The following SGCZ variants were observed in gnomAD, a reference collection of about 807,000 sequenced individuals.
SGCZ encodes zeta-sarcoglycan.
In SGCZ, 40 loss-of-function variants were observed where a neutral mutation model predicts 41.3. The ratio of observed to expected loss-of-function variants is 0.97; its 90% CI spans 0.75 to 1.26. SGCZ has a LOEUF of 1.26. Ranked by LOEUF, SGCZ falls within the 50% of genes most tolerant of loss-of-function variation. The pLI is 0.00. For synonymous variants in SGCZ, 206 were observed against 137.5 expected (o/e 1.50, Z -3.49); for missense variants, 552 against 369.8 (o/e 1.49, Z -4.04).
At chr8:14,123,645 C>G (rs12681431) in intron 5 of SGCZ, among the ~76,000 whole-genome samples, 29,991 of 152,010 alleles carry the variant, frequency 0.2, 3,752 homozygotes, top group East Asian at 0.65. Context: ...ACTATTGCTT[C>G]TATCTTCTAG....
chr8:14,265,768 CAG>C (rs1033980608), intron 3 of SGCZ, among the ~76,000 whole-genome samples: 4 of 149,314 alleles, frequency 2.7e-5, no homozygotes, highest in African/African-American at 9.9e-5. Flanking sequence ...AAAAACTTAA[CAG>C]AGAGAATGAA....
chr8:14,611,817 A>G (rs955896939), intron 1 of SGCZ, among the ~76,000 whole-genome samples: 3 of 152,174 alleles, frequency 2.0e-5, no homozygotes, highest in Non-Finnish European at 2.9e-5. Flanking sequence ...TGTAAACACA[A>G]TAGATTGCTA....
chr8:14,422,444 G>C (rs10092573), intron 2 of SGCZ, among the ~76,000 whole-genome samples: 1,869 of 152,288 alleles, frequency 0.012, 31 homozygotes, highest in African/African-American at 0.042. Flanking sequence ...GACAATTTTA[G>C]ACTACTTAAT....
chr8:14,655,447 G>A (rs914459370), intron 1 of SGCZ, among the ~76,000 whole-genome samples: 1 of 152,054 alleles, frequency 6.6e-6, no homozygotes, highest in Non-Finnish European at 1.5e-5. Flanking sequence ...ATAACCAATT[G>A]TTTTATGGGA....
At chr8:14,454,062 G>C (rs962001041) in intron 2 of SGCZ, among the ~76,000 whole-genome samples, 6 of 152,118 alleles carry the variant, frequency 3.9e-5, no homozygotes, top group East Asian at 1.9e-4. Flanking sequence ...TGACCTTCCA[G>C]TTGCTATCTA....
intron 1 of SGCZ, among the ~76,000 whole-genome samples, chr8:14,880,250 G>A (rs1161509922): frequency 1.3e-5 from 2 of 152,136 alleles, no homozygotes; most frequent in Non-Finnish European, 2.9e-5. Flanking sequence ...AAACCACAAT[G>A]AGATACCATC....
chr8:14,710,489 A>C (rs1486498045), intron 1 of SGCZ, among the ~76,000 whole-genome samples: 1 of 152,028 alleles, frequency 6.6e-6, no homozygotes, highest in Non-Finnish European at 1.5e-5. Context: ...ATTCTGAGAA[A>C]CCGATCCTTG....
intron 1 of SGCZ, among the ~76,000 whole-genome samples, chr8:14,808,129 T>A (rs192182925): frequency 3.3e-4 from 51 of 152,258 alleles, no homozygotes; most frequent in African/African-American, 1.2e-3. Flanking sequence ...ATAAAAACCC[T>A]AGAAGATAAC....
At chr8:14,933,742 G>A (rs1163701551) in intron 1 of SGCZ, among the ~76,000 whole-genome samples, 4 of 151,908 alleles carry the variant, frequency 2.6e-5, no homozygotes, top group Non-Finnish European at 4.4e-5. Flanking sequence ...ATGAGCCACC[G>A]CGGCCAGCCT....
chr8:14,520,512 T>C (rs1585625763), intron 2 of SGCZ, among the ~76,000 whole-genome samples: 1 of 152,196 alleles, frequency 6.6e-6, no homozygotes, highest in East Asian at 1.9e-4. Flanking sequence ...TATTTTAAAA[T>C]GTAACAATTC....
chr8:15,007,899 T>A (rs1198656171), intron 1 of SGCZ, among the ~76,000 whole-genome samples: 2 of 152,218 alleles, frequency 1.3e-5, no homozygotes, highest in Non-Finnish European at 2.9e-5. Context: ...AATGAAATTT[T>A]TAAAATTAGT....
chr8:14,452,386 T>C (rs998418305), intron 2 of SGCZ, among the ~76,000 whole-genome samples: 9 of 152,068 alleles, frequency 5.9e-5, no homozygotes, highest in African/African-American at 2.2e-4. Flanking sequence ...GGTGGATACA[T>C]GTCATGATAT....
chr8:14,757,972 T>C (rs537800695), intron 1 of SGCZ, among the ~76,000 whole-genome samples: 10 of 152,202 alleles, frequency 6.6e-5, no homozygotes, highest in Non-Finnish European at 1.2e-4. Flanking sequence ...TGTATAAGCA[T>C]GTTATGCATA....
chr8:14,168,592 AGCCATGACTGTGAG>A (rs1804279413), intron 4 of SGCZ, among the ~76,000 whole-genome samples: 1 of 152,160 alleles, frequency 6.6e-6, no homozygotes, highest in Non-Finnish European at 1.5e-5. Context: ...CCTTGCCTGC[AGCCATGACTGTGAG>A]GCCTCCCCAG....
At chr8:14,106,538 A>C (rs1193391849) in intron 6 of SGCZ, among the ~76,000 whole-genome samples, 1 of 152,142 alleles carries the variant, frequency 6.6e-6, no homozygotes, top group Non-Finnish European at 1.5e-5. Context: ...TGTTTAGGAA[A>C]TTTTATCATA....
intron 1 of SGCZ, among the ~76,000 whole-genome samples, chr8:14,625,190 ATTC>A (rs1806414169): frequency 6.6e-6 from 1 of 152,176 alleles, no homozygotes; most frequent in Non-Finnish European, 1.5e-5. Flanking sequence ...AAGATAAGTT[ATTC>A]TTATTTTAGT....
Position 14,308,967 on chromosome 8 carries a change from C to T in SGCZ, c.336+15136G>A, listed in dbSNP as rs185062378. 3,111 of 671,562 alleles carry T rather than the reference C, an allele frequency of 4.6e-3. 11 individuals carry two copies. The highest frequency in any genetic ancestry group is 5.8e-3 in the Non-Finnish European group (2,257 of 387,680). The allele number at this position is 671,562 out of a possible 1,614,324, so 41.6% of individuals were successfully genotyped here. ...TAAGCTGATTGGCACTTCAGAGTTT[C>T]AGTGTCTTGAGGATGAATTCCAAAC... On this transcript the variant is annotated intron_variant, in intron 3 of 7. Transcript: ENST00000382080.
rs1554532880 is a variant in SGCZ at position 14,528,833 on chromosome 8, A to AC, written c.234+25898_234+25899insG. 3.8e-3 allele frequency among the ~76,000 whole-genome samples: 364 copies of AC among 97,024 alleles called. 7 individuals carry two copies. Among genetic ancestry groups the AC allele is most frequent in the African/African-American group, 0.011 (279 of 25,800 alleles). The allele number at this position is 97,024 out of a possible 152,430, so 63.7% of individuals were successfully genotyped here. ...CACAACATCACGGACCAGCCAAAAA[A>AC]AAAACAAAACAAAAACAAAAAAAGA... On this transcript the variant is annotated intron_variant, in intron 2 of 7. Coordinates refer to ENST00000382080, the MANE Select transcript of SGCZ (RefSeq NM_139167.4).
chr8:14,458,332 G>C (rs1043302890), intron 2 of SGCZ, among the ~76,000 whole-genome samples: 3 of 152,106 alleles, frequency 2.0e-5, no homozygotes, highest in African/African-American at 7.2e-5. Flanking sequence ...CTTTTTACTG[G>C]ATATCATAAT....
Sources: allele counts gnomAD v4.1 joint callset (sites outside exome capture counted in the v4.1 genomes callset), GRCh38; gene constraint gnomAD v4.1.1; transcripts MANE v1.5; gene names NCBI Gene and HGNC (gene_info 2026-07-23, HGNC 2026-07-21).